The following TRMT10B variants were observed in gnomAD, a reference collection of about 807,000 sequenced individuals.
The protein encoded by TRMT10B is tRNA methyltransferase 10 homolog B.
Under a neutral mutation model 43.8 loss-of-function variants are expected in TRMT10B, and 33 were observed. That is an observed-to-expected ratio of 0.75 (90% CI 0.57 to 1.01). TRMT10B has a LOEUF of 1.01. Among genes scored for constraint, TRMT10B ranks in the 50% least tolerant of loss-of-function variants. The pLI, the probability that TRMT10B is intolerant of heterozygous loss-of-function variation, is 0.00. For synonymous variants in TRMT10B, 137 were observed against 130.6 expected, an observed-to-expected ratio of 1.05 and a Z score of -0.34; for missense variants, 362 against 369.8, an observed-to-expected ratio of 0.98 and a Z score of 0.17.
chr9:37,771,149 A>AT (rs1299945888), intron 7 of TRMT10B, among the ~76,000 whole-genome samples: 15 of 152,132 alleles, frequency 9.9e-5, no homozygotes, highest in South Asian at 2.1e-4. Context: ...GATTATCCAG[A>AT]TTTTTTTTGT....
intron 6 of TRMT10B, among the ~76,000 whole-genome samples, chr9:37,770,414 A>T (rs765261913): frequency 1.2e-4 from 19 of 152,120 alleles, no homozygotes; most frequent in Non-Finnish European, 2.8e-4. Context: ...ATTATTTCAC[A>T]TTCTTCTGCA....
intron 7 of TRMT10B, among the ~76,000 whole-genome samples, chr9:37,773,239 G>A (rs1827775946): frequency 6.6e-6 from 1 of 151,842 alleles, no homozygotes; most frequent in Non-Finnish European, 1.5e-5. Flanking sequence ...TCCTGAGTAC[G>A]TAGGACTATA....
intron 5 of TRMT10B, 25 bp from the exon 6 acceptor site, chr9:37,769,916 A>T (rs868635889): frequency 1.2e-6 from 2 of 1,604,478 alleles, no homozygotes; most frequent in Middle Eastern, 1.7e-4. Context: ...AGCTGTTTTA[A>T]CATCAGACTG....
At chr9:37,765,248 G>A (rs187665280) in intron 4 of TRMT10B, among the ~76,000 whole-genome samples, 3 of 151,484 alleles carry the variant, frequency 2.0e-5, no homozygotes, top group Non-Finnish European at 2.9e-5. Flanking sequence ...CCTTCCCCCC[G>A]TCCCCCGACC....
At chr9:37,766,701 T>C (rs1010575850) in intron 4 of TRMT10B, among the ~76,000 whole-genome samples, 2 of 152,254 alleles carry the variant, frequency 1.3e-5, no homozygotes, top group African/African-American at 4.8e-5. Context: ...TTGATTTTCC[T>C]ACCCATGAGC....
chr9:37,761,991 AG>A lies in TRMT10B; in HGVS notation c.61del (p.Glu21LysfsTer4). 1 of 1,614,018 alleles carries A rather than the reference AG, an allele frequency of 6.2e-7. No homozygotes were observed. Among genetic ancestry groups the A allele is most frequent in the Non-Finnish European group, 8.5e-7 (1 of 1,179,944 alleles). The stretch of plus-strand genomic sequence containing the variant: ...TAGAGTCACCTGTGCTGCAGGGGCA[AG>A]AAGGCATCCTAGAGGAGACAGGTGA... ...KVESPVLQGQ[E>X]GILEETGEDG... is the part of the protein sequence containing the mutation. On this transcript the variant is annotated frameshift_variant, in exon 2 of 9. Coordinates refer to ENST00000297994, the MANE Select transcript of TRMT10B (RefSeq NM_144964.4). LOFTEE classifies it high-confidence loss of function.
At chr9:37,762,823 T>A in intron 3 of TRMT10B, 138 bp downstream of exon 3, 1 of 1,149,194 alleles carries the variant, frequency 8.7e-7, no homozygotes, top group Non-Finnish European at 1.2e-6. Context: ...TTCTTGGGAA[T>A]CAAAACATCA....
Position 37,777,833 on chromosome 9 carries a change from C to T in TRMT10B, c.*126C>T. 1 of 676,454 alleles carries T rather than the reference C, an allele frequency of 1.5e-6. No individual in the cohort carries two copies. Among genetic ancestry groups the T allele is most frequent in the Non-Finnish European group, 2.5e-6 (1 of 395,982 alleles). 41.9% of individuals were successfully genotyped at this position (676,454 alleles called of 1,614,324 possible). Reference sequence around the variant, plus strand: ...CCAGCCTGGCCAACATGGTGAAACCCTTCTCTACTGAAAATACAAAAATTA... The same window carrying T: ...CCAGCCTGGCCAACATGGTGAAACCTTTCTCTACTGAAAATACAAAAATTA... On this transcript the variant is annotated 3_prime_UTR_variant, in exon 9 of 9. Coordinates refer to ENST00000297994, the MANE Select transcript of TRMT10B (RefSeq NM_144964.4).
Position 37,762,623 on chromosome 9 carries a change from C to T in TRMT10B, c.233C>T (p.Ala78Val), listed in dbSNP as rs1826475992. ...KQRHWEKIVA[A>V]KKSKRKQEKE... ...AGACACTGGGAAAAGATAGTTGCAG[C>T]AAAGAAGAGCAAAAGAAAGCAAGAA... The change falls in exon 3 of 9, where the codon GCA (alanine) becomes GTA (valine). Residue 78 changes from alanine (A) to valine (V), a missense_variant. Physicochemically the swap from Ala to Val is moderately conservative, Grantham distance 64. Transcript: ENST00000297994. The T allele has an allele frequency of 1.9e-6, 3 of 1,596,856 alleles. No individual in the cohort carries two copies. The highest frequency in any genetic ancestry group is 2.6e-6 in the Non-Finnish European group (3 of 1,170,934).
chr9:37,756,741 T>TATACAC (rs1554675022), intron 1 of TRMT10B, among the ~76,000 whole-genome samples: 1 of 149,774 alleles, frequency 6.7e-6, no homozygotes, highest in African/African-American at 2.5e-5. Context: ...TATATATATA[T>TATACAC]ACACACACAC....
At position 37,773,956 on chromosome 9, in the gene TRMT10B, TAAA is replaced by T. The variant is rs544100530; in HGVS notation, c.721-2310_721-2308del. Reference sequence around the variant, plus strand: ...ATGCAACACAGTGAGACCCTGTCTCTAAAAAAAAAAAAAAAAAACAACAATAAT... The same window carrying T: ...ATGCAACACAGTGAGACCCTGTCTCTAAAAAAAAAAAAAAACAACAATAAT... On this transcript the variant is annotated intron_variant, in intron 7 of 8. Coordinates refer to ENST00000297994, the MANE Select transcript of TRMT10B (RefSeq NM_144964.4). 1.8e-3 allele frequency among the ~76,000 whole-genome samples: 233 copies of T among 127,698 alleles called. 1 individual carries two copies. Among genetic ancestry groups the T allele is most frequent in the African/African-American group, 6.1e-3 (201 of 33,204 alleles). The allele number at this position is 127,698 out of a possible 152,430, so 83.8% of individuals were successfully genotyped here. A position where few individuals can be genotyped will look rare whatever the true frequency, so the allele number is the denominator to read the frequency against.
intron 2 of TRMT10B, among the ~76,000 whole-genome samples, chr9:37,762,351 C>T (rs927037514): frequency 4.6e-5 from 7 of 152,098 alleles, no homozygotes; most frequent in African/African-American, 1.7e-4. Context: ...AACTCCAGGC[C>T]CTGTCACTAA....
chr9:37,768,823 G>A (rs1827248846), intron 5 of TRMT10B, among the ~76,000 whole-genome samples: 1 of 152,186 alleles, frequency 6.6e-6, no homozygotes, highest in Admixed American at 6.5e-5. Context: ...CTGTTTTGCT[G>A]TTACTGTCTT....
At chr9:37,757,542 A>G (rs1018176790) in intron 1 of TRMT10B, among the ~76,000 whole-genome samples, 3 of 152,210 alleles carry the variant, frequency 2.0e-5, no homozygotes, top group Non-Finnish European at 4.4e-5. Flanking sequence ...AATGGACACA[A>G]ATTTCAAATC....
At chr9:37,771,479 T>A (rs1020710661) in intron 7 of TRMT10B, among the ~76,000 whole-genome samples, 3 of 152,246 alleles carry the variant, frequency 2.0e-5, no homozygotes, top group Non-Finnish European at 4.4e-5. Flanking sequence ...TGTTCCTGTA[T>A]GTATGAGATG....
At chr9:37,754,346 G>C (rs574703800) in intron 1 of TRMT10B, among the ~76,000 whole-genome samples, 1 of 152,260 alleles carries the variant, frequency 6.6e-6, no homozygotes, top group East Asian at 1.9e-4. Context: ...GAGCATTGAG[G>C]GTAAAGAGAA....
At chr9:37,762,215 G>A in intron 2 of TRMT10B, 98 bp downstream of exon 2, 1 of 1,322,736 alleles carries the variant, frequency 7.6e-7, no homozygotes, top group Non-Finnish European at 1.0e-6. Context: ...AAGAGAGACG[G>A]AATGAGTTTT....
chr9:37,776,841 G>A (rs1828207234), intron 8 of TRMT10B, among the ~76,000 whole-genome samples: 1 of 151,130 alleles, frequency 6.6e-6, no homozygotes, highest in Non-Finnish European at 1.5e-5. Flanking sequence ...GGAGGTTGCA[G>A]TGAGCCGAGA....
intron 5 of TRMT10B, chr9:37,769,698 A>G: frequency 2.1e-6 from 1 of 487,098 alleles, no homozygotes; most frequent in South Asian, 2.7e-5. Context: ...CCTGGGCTCA[A>G]GCCATCCTGC....
Sources: allele counts gnomAD v4.1 joint callset (sites outside exome capture counted in the v4.1 genomes callset), GRCh38; gene constraint gnomAD v4.1.1; transcripts MANE v1.5; gene names NCBI Gene and HGNC (gene_info 2026-07-23, HGNC 2026-07-21).